ADK: variants seen among roughly 807,000 people sequenced by gnomAD.
ADK encodes adenosine kinase.
A neutral mutation model predicts 44.7 loss-of-function variants in ADK; 24 were observed. The observed-to-expected ratio is 0.54, with a 90% confidence interval of 0.39 to 0.76. The LOEUF is 0.76. Among genes scored for constraint, ADK ranks in the 30% least tolerant of loss-of-function variants. The pLI is 0.00. For missense variants in ADK, 321 were observed against 425.1 expected (o/e 0.76, Z 2.15); for synonymous variants, 128 against 142.6 (o/e 0.90, Z 0.73).
chr10:74,297,981 AT>A lies in ADK; in HGVS notation c.195-16676del, dbSNP rs530756625. ...ATGTATTGCTGTGCTATAACACTGT[AT>A]TTTTTTTTTATTACTAGGGCATACC... On this transcript the variant is annotated intron_variant, in intron 3 of 10. Coordinates refer to ENST00000539909, the MANE Select transcript of ADK (RefSeq NM_006721.4). 2.2e-3 allele frequency among the ~76,000 whole-genome samples: 325 copies of A among 150,212 alleles called. 1 individual carries two copies. The highest frequency in any genetic ancestry group is 6.0e-3 in the African/African-American group (248 of 41,006).
chr10:74,166,146 G>T (rs188711862), intron 1 of ADK, among the ~76,000 whole-genome samples: 117 of 152,228 alleles, frequency 7.7e-4, no homozygotes, highest in African/African-American at 2.7e-3. Context: ...CACTGTGTTG[G>T]CCTGGCTGGT....
intron 10 of ADK, among the ~76,000 whole-genome samples, chr10:74,689,191 G>A (rs1855895897): frequency 6.9e-6 from 1 of 144,076 alleles, no homozygotes; most frequent in South Asian, 2.2e-4. Context: ...GGAGCTTGCA[G>A]TGAGCCAAGA....
At chr10:74,550,192 T>A (rs559498787) in intron 7 of ADK, among the ~76,000 whole-genome samples, 3 of 151,916 alleles carry the variant, frequency 2.0e-5, no homozygotes, top group African/African-American at 7.2e-5. Context: ...TGCCTCAGCC[T>A]CCCAAGTAGC....
intron 9 of ADK, among the ~76,000 whole-genome samples, chr10:74,610,719 T>C (rs1852509201): frequency 6.6e-6 from 1 of 152,056 alleles, no homozygotes; most frequent in South Asian, 2.1e-4. Context: ...AACATGGCAG[T>C]AAGGTGAAGG....
chr10:74,354,489 C>T (rs746473159), intron 4 of ADK, among the ~76,000 whole-genome samples: 3 of 152,114 alleles, frequency 2.0e-5, no homozygotes, highest in African/African-American at 2.4e-5. Flanking sequence ...GTTTTGAATA[C>T]GTACCAGCTT....
At chr10:74,196,150 CTT>C (rs1246744886) in intron 1 of ADK, among the ~76,000 whole-genome samples, 1 of 152,030 alleles carries the variant, frequency 6.6e-6, no homozygotes, top group Non-Finnish European at 1.5e-5. Flanking sequence ...CTAGCCACAA[CTT>C]CTGCAACCAG....
In ADK at chr10:74,294,592, T is replaced by C. The variant is rs184835504; in HGVS notation, c.195-20075T>C. Among the ~76,000 whole-genome samples, 174 of 152,122 alleles carry C rather than the reference T, an allele frequency of 1.1e-3. 3 individuals are homozygous for C. The East Asian group carries it at 0.028, about 24-fold the overall frequency. On this transcript the variant is annotated intron_variant, in intron 3 of 10. Coordinates refer to ENST00000539909, the MANE Select transcript of ADK (RefSeq NM_006721.4). ...GTGAGCCACCACCCCTGGCCCAAAGTGTTATCTTTAGAACAGCAGAAATGG... is the reference window on the plus strand; with the variant it reads ...GTGAGCCACCACCCCTGGCCCAAAGCGTTATCTTTAGAACAGCAGAAATGG...
At chr10:74,407,127 T>G (rs966946125) in intron 6 of ADK, among the ~76,000 whole-genome samples, 4 of 152,094 alleles carry the variant, frequency 2.6e-5, no homozygotes, top group African/African-American at 4.8e-5. Context: ...TGGCTAGTTT[T>G]TGTATTTTCT....
intron 6 of ADK, among the ~76,000 whole-genome samples, chr10:74,476,688 A>G (rs1846860454): frequency 6.6e-6 from 1 of 152,158 alleles, no homozygotes; most frequent in Non-Finnish European, 1.5e-5. Flanking sequence ...ATTTAGACTA[A>G]TTTATCACAG....
intron 9 of ADK, among the ~76,000 whole-genome samples, chr10:74,624,925 G>C (rs894539601): frequency 3.9e-5 from 6 of 151,906 alleles, no homozygotes; most frequent in Non-Finnish European, 5.9e-5. Context: ...TATATGCCAG[G>C]TAATATAGAA....
chr10:74,705,632 C>G lies in ADK; in HGVS notation c.965-2689C>G, dbSNP rs577369915. On this transcript the variant is annotated intron_variant, in intron 10 of 10. Transcript: ENST00000539909. ...TTACAAGTCTTTGTGTGGATATGTGCTTTCACCTACCTTGGGTAAATACCT... is the reference window on the plus strand; with the variant it reads ...TTACAAGTCTTTGTGTGGATATGTGGTTTCACCTACCTTGGGTAAATACCT... Among the ~76,000 whole-genome samples the G allele has an allele frequency of 6.6e-5, 10 of 152,288 alleles. No individual in the cohort carries two copies. The South Asian group carries it at 2.1e-3, about 32-fold the overall frequency.
At chr10:74,285,026 C>T (rs1195514408) in intron 3 of ADK, among the ~76,000 whole-genome samples, 3 of 152,150 alleles carry the variant, frequency 2.0e-5, no homozygotes, top group Non-Finnish European at 4.4e-5. Context: ...TTTTTAAGTG[C>T]TAGGCACTTC....
At chr10:74,209,919 A>G (rs191381283) in intron 2 of ADK, among the ~76,000 whole-genome samples, 5 of 152,290 alleles carry the variant, frequency 3.3e-5, no homozygotes, top group Non-Finnish European at 7.4e-5. Flanking sequence ...CAGGGAAGGA[A>G]TGTGTAAGGT....
intron 7 of ADK, among the ~76,000 whole-genome samples, chr10:74,565,813 A>G (rs571394585): frequency 6.6e-6 from 1 of 152,172 alleles, no homozygotes; most frequent in South Asian, 2.1e-4. Context: ...TTTATTTTTC[A>G]GATTAATGAA....
Position 74,176,745 on chromosome 10 carries a change from G to A in ADK, c.66-24019G>A, listed in dbSNP as rs957878456. ...GCCAGGGGCCGCCCGCGCGCGGGGTGTGTGAGGACGCGCTCCCAGTCGCTG... is the reference window on the plus strand; with the variant it reads ...GCCAGGGGCCGCCCGCGCGCGGGGTATGTGAGGACGCGCTCCCAGTCGCTG... On this transcript the variant is annotated intron_variant, in intron 1 of 10. Coordinates refer to ENST00000539909, the MANE Select transcript of ADK (RefSeq NM_006721.4). The A allele has an allele frequency of 3.3e-6, 5 of 1,535,444 alleles. No homozygotes were observed. The South Asian group carries it at 3.6e-5, about 11-fold the overall frequency.
chr10:74,209,423 A>G (rs1448436580), intron 2 of ADK, among the ~76,000 whole-genome samples: 2 of 152,238 alleles, frequency 1.3e-5, no homozygotes, highest in Non-Finnish European at 2.9e-5. Flanking sequence ...AAACAAAATA[A>G]GAAAAATAAA....
intron 3 of ADK, among the ~76,000 whole-genome samples, chr10:74,235,227 A>G (rs1253059801): frequency 6.6e-6 from 1 of 151,828 alleles, no homozygotes; most frequent in Non-Finnish European, 1.5e-5. Flanking sequence ...GGGAAAGCAA[A>G]CTTCTACAAC....
chr10:74,247,224 G>GTTT (rs142274121), intron 3 of ADK, among the ~76,000 whole-genome samples: 3,317 of 71,980 alleles, frequency 0.046, 431 homozygotes, highest in Middle Eastern at 0.089. Context: ...TTTTTTTTAA[G>GTTT]TTTTTTTTTT....
At position 74,653,148 on chromosome 10, in the gene ADK, T is replaced by G. The variant is rs1854334294; in HGVS notation, c.878-17035T>G. ...AGGCTGTAGCTCAACTTTAGATCCTTTAACAGAAGGAAGAACACGAGGGCT... is the reference window on the plus strand; with the variant it reads ...AGGCTGTAGCTCAACTTTAGATCCTGTAACAGAAGGAAGAACACGAGGGCT... On this transcript the variant is annotated intron_variant, in intron 9 of 10. Coordinates refer to ENST00000539909, the MANE Select transcript of ADK (RefSeq NM_006721.4). Among the ~76,000 whole-genome samples the G allele has an allele frequency of 1.3e-5, 2 of 152,080 alleles. 1 individual carries two copies. The highest frequency in any genetic ancestry group is 4.8e-5 in the African/African-American group (2 of 41,428).
Sources: allele counts gnomAD v4.1 joint callset (sites outside exome capture counted in the v4.1 genomes callset), GRCh38; gene constraint gnomAD v4.1.1; transcripts MANE v1.5; gene names NCBI Gene and HGNC (gene_info 2026-07-23, HGNC 2026-07-21).